CTNNB1: variants seen among roughly 807,000 people sequenced by gnomAD.
CTNNB1 encodes the protein catenin beta 1.
CTNNB1 carries 6 observed loss-of-function variants against 82.5 expected under a neutral mutation model. The ratio of observed to expected loss-of-function variants is 0.07; its 90% CI spans 0.04 to 0.14. The LOEUF (loss-of-function observed/expected upper bound fraction) is 0.14. Among genes scored for constraint, CTNNB1 ranks in the 10% least tolerant of loss-of-function variants. CTNNB1 has a pLI of 1.00. For synonymous variants in CTNNB1, 312 were observed against 329.7 expected, an observed-to-expected ratio of 0.95 and a Z score of 0.58; for missense variants, 529 against 980.4, an observed-to-expected ratio of 0.54 and a Z score of 6.15.
At chr3:41,230,774 G>A (rs2078288134) in intron 7 of CTNNB1, among the ~76,000 whole-genome samples, 1 of 152,194 alleles carries the variant, frequency 6.6e-6, no homozygotes, top group Admixed American at 6.5e-5. Flanking sequence ...TTTCCAGGTA[G>A]AGAAAAGGAA....
Position 41,237,894 on chromosome 3 carries a change from T to C in CTNNB1, c.2077-122T>C, listed in dbSNP as rs2078477612. On this transcript the variant is annotated intron_variant, in intron 13 of 14. Coordinates refer to ENST00000349496, the MANE Select transcript of CTNNB1 (RefSeq NM_001904.4). Reference sequence around the variant, plus strand: ...AGAACTTCCATTTTCTAAGCATTTGTGTAATGTTGGAGTTACTTGTTCCTT... The same window carrying C: ...AGAACTTCCATTTTCTAAGCATTTGCGTAATGTTGGAGTTACTTGTTCCTT... The C allele has an allele frequency of 6.2e-6, 5 of 812,450 alleles. No individual in the cohort carries two copies. The South Asian group carries it at 7.0e-5, about 11-fold the overall frequency. The allele number at this position is 812,450 out of a possible 1,614,324, so 50.3% of individuals were successfully genotyped here.
intron 2 of CTNNB1, 118 bp downstream of exon 2, chr3:41,224,199 T>C: frequency 6.2e-6 from 8 of 1,281,502 alleles, no homozygotes; most frequent in Non-Finnish European, 9.1e-6. Context: ...GGCTACCTTT[T>C]GCTCCATTTT....
At chr3:41,204,382 C>T (rs2077600294) in intron 1 of CTNNB1, among the ~76,000 whole-genome samples, 1 of 152,130 alleles carries the variant, frequency 6.6e-6, no homozygotes, top group African/African-American at 2.4e-5. Context: ...GGCTACTTGC[C>T]TTCATTAATG....
intron 7 of CTNNB1, among the ~76,000 whole-genome samples, chr3:41,231,327 A>AG (rs1184976478): frequency 1.0e-4 from 5 of 50,108 alleles, no homozygotes; most frequent in African/African-American, 3.0e-4. Flanking sequence ...ACTCTATCTC[A>AG]AAAAAAAAAA....
At chr3:41,231,761 A>C (rs1485735763) in intron 7 of CTNNB1, among the ~76,000 whole-genome samples, 1 of 152,236 alleles carries the variant, frequency 6.6e-6, no homozygotes, top group Non-Finnish European at 1.5e-5. Context: ...GACTACTGAG[A>C]TGTTACAGGC....
intron 1 of CTNNB1, among the ~76,000 whole-genome samples, chr3:41,203,286 G>C (rs1282470018): frequency 6.6e-6 from 1 of 151,856 alleles, no homozygotes; most frequent in African/African-American, 2.4e-5. Context: ...AATCAACTAA[G>C]AAACCTTTGA....
At chr3:41,236,297 G>T in intron 11 of CTNNB1, 52 bp from the exon 12 acceptor site, 1 of 1,609,048 alleles carries the variant, frequency 6.2e-7, no homozygotes, top group Non-Finnish European at 8.5e-7. Flanking sequence ...TGGGGGGCTT[G>T]CCATGTTTTA....
At chr3:41,208,629 C>T (rs150016392) in intron 1 of CTNNB1, among the ~76,000 whole-genome samples, 5 of 152,268 alleles carry the variant, frequency 3.3e-5, no homozygotes, top group Admixed American at 6.5e-5. Flanking sequence ...ATCACTTTCT[C>T]GTATACACGT....
chr3:41,224,462 C>CTT, intron 2 of CTNNB1, 64 bp from the exon 3 acceptor site: 1 of 1,423,174 alleles, frequency 7.0e-7, no homozygotes, highest in Non-Finnish European at 9.8e-7. Flanking sequence ...ATCACAGATT[C>CTT]TTTTTTTTTA....
chr3:41,210,021 T>G (rs930693618), intron 1 of CTNNB1, among the ~76,000 whole-genome samples: 1 of 152,216 alleles, frequency 6.6e-6, no homozygotes, highest in African/African-American at 2.4e-5. Flanking sequence ...AATTCTTAAT[T>G]TTTTAAACGT....
rs2125638206 is a variant in CTNNB1 at position 41,233,458 on chromosome 3, A to T, written c.1185+14A>T. 6.2e-7 allele frequency: 1 copy of T among 1,613,856 alleles called. No individual in the cohort carries two copies. ...GCAACTAAACAGGTAAATTCTGAGT[A>T]AACTGGTGCCATGGGAATAGAGTCA... On this transcript the variant is annotated intron_variant, in intron 8 of 14. Coordinates refer to ENST00000349496, the MANE Select transcript of CTNNB1 (RefSeq NM_001904.4).
chr3:41,235,890 C>T (rs1481751994), intron 11 of CTNNB1, 47 bp downstream of exon 11: 1 of 1,608,874 alleles, frequency 6.2e-7, no homozygotes, highest in African/African-American at 1.3e-5. Flanking sequence ...ATAAAATTTC[C>T]AGATTGTAAT....
At chr3:41,226,884 T>A (rs1037377607) in intron 6 of CTNNB1, among the ~76,000 whole-genome samples, 7 of 152,184 alleles carry the variant, frequency 4.6e-5, no homozygotes, top group African/African-American at 1.7e-4. Context: ...ATAACTTTCA[T>A]CTTAGGGCAT....
intron 14 of CTNNB1, chr3:41,238,567 C>T (rs570490998): frequency 3.9e-4 from 73 of 188,774 alleles, no homozygotes; most frequent in Non-Finnish European, 2.8e-4. Context: ...CATTTATAAC[C>T]GCATCTGCTT....
chr3:41,220,428 C>T (rs2078020425), intron 1 of CTNNB1: 1 of 125,376 alleles, frequency 8.0e-6, no homozygotes, highest in African/African-American at 2.9e-5. Flanking sequence ...CACCCCCCTC[C>T]CCGAAGAAAG....
chr3:41,236,695 A>T lies in CTNNB1; in HGVS notation c.2062A>T (p.Met688Leu). The T allele has an allele frequency of 6.2e-7, 1 of 1,614,162 alleles. No homozygotes were observed. The highest frequency in any genetic ancestry group is 8.5e-7 in the Non-Finnish European group (1 of 1,179,996). ...CAGCTCTCTCTTCAGAACAGAGCCA[A>T]TGGCTTGGAATGAGGTAGGGAAATG... ...LTSSLFRTEP[M>L]AWNETADLGL... Residue 688 changes from methionine to leucine, a missense_variant, in exon 13 of 15, where the codon ATG (methionine) becomes TTG (leucine). Transcript: ENST00000349496.
rs2125642099 is a variant in CTNNB1 at position 41,234,262 on chromosome 3, C to T, written c.1648C>T (p.Arg550Cys). Residue 550 changes from arginine (R) to cysteine (C), a missense_variant, in exon 10 of 15, where the codon CGT becomes TGT. Physicochemically the swap from Arg to Cys is radical, Grantham distance 180. This residue lies in a region of CTNNB1 where 411 missense variants were observed against 776.4 expected (regional missense o/e 0.53). Coordinates refer to ENST00000349496, the MANE Select transcript of CTNNB1 (RefSeq NM_001904.4). ...TCGTGCACATCAGGATACCCAGCGC[C>T]GTACGTCCATGGGTGGGACACAGCA... ...LVRAHQDTQR[R>C]TSMGGTQQQF... 1.2e-6 allele frequency: 2 copies of T among 1,614,144 alleles called. No individual in the cohort carries two copies. The highest frequency in any genetic ancestry group is 1.7e-6 in the Non-Finnish European group (2 of 1,180,028).
chr3:41,204,328 C>T (rs2077599126), intron 1 of CTNNB1, among the ~76,000 whole-genome samples: 2 of 152,132 alleles, frequency 1.3e-5, no homozygotes, highest in Non-Finnish European at 2.9e-5. Context: ...ATACAACTTA[C>T]TGAAAAAAAT....
In CTNNB1 at chr3:41,215,660, G is replaced by C. The variant is rs77244163; in HGVS notation, c.-48-8361G>C. On this transcript the variant is annotated intron_variant, in intron 1 of 14. Coordinates refer to ENST00000349496, the MANE Select transcript of CTNNB1 (RefSeq NM_001904.4). ...TTTAAAAGGTCAGCGTGCTGGTATA[G>C]TGGGGAAGGGAAACTCTTACAACAC... Among the ~76,000 whole-genome samples, 1,261 of 152,244 alleles carry C rather than the reference G, an allele frequency of 8.3e-3. 11 individuals are homozygous for C. The highest frequency in any genetic ancestry group is 0.04 in the South Asian group (191 of 4,818).
Sources: allele counts gnomAD v4.1 joint callset (sites outside exome capture counted in the v4.1 genomes callset), GRCh38; gene constraint gnomAD v4.1.1; regional missense constraint gnomAD v4.1.1; transcripts MANE v1.5; gene names NCBI Gene and HGNC (gene_info 2026-07-23, HGNC 2026-07-21).